The following DACH2 variants were observed in gnomAD, a reference collection of about 807,000 sequenced individuals.
The protein encoded by DACH2 is dachshund family transcription factor 2.
In DACH2, 17 loss-of-function variants were observed where a neutral mutation model predicts 35.8. That is an observed-to-expected ratio of 0.48 (90% CI 0.33 to 0.71). The LOEUF (loss-of-function observed/expected upper bound fraction) is 0.71, where lower values mean the gene tolerates loss of function less well. DACH2 is among the 30% of genes least tolerant of loss of function. The pLI, the probability that DACH2 is intolerant of heterozygous loss-of-function variation, is 0.02. For synonymous variants in DACH2, 195 were observed against 177.3 expected, an observed-to-expected ratio of 1.10 and a Z score of -0.79; for missense variants, 469 against 472.7, an observed-to-expected ratio of 0.99 and a Z score of 0.07.
At chrX:86,299,892 A>G (rs2034541278) in intron 1 of DACH2, among the ~76,000 whole-genome samples, 1 of 111,524 alleles carries the variant, frequency 9.0e-6, no homozygotes, top group African/African-American at 3.3e-5. Context: ...AGAGATTATC[A>G]TTGTATTTTT....
In DACH2 at chrX:86,310,254, C is replaced by T. The variant is rs191318787; in HGVS notation, c.489-66570C>T. Among the ~76,000 whole-genome samples, 4 of 111,932 alleles carry T rather than the reference C, an allele frequency of 3.6e-5. No homozygotes were observed. In the Admixed American group the frequency reaches 3.8e-4, roughly 11 times the overall value. ...TGGGTCATGCACAGCACCATTCCATCATCAAATGGAAGTTGTATATACATG... is the reference window on the plus strand; with the variant it reads ...TGGGTCATGCACAGCACCATTCCATTATCAAATGGAAGTTGTATATACATG... On this transcript the variant is annotated intron_variant, in intron 1 of 11. Coordinates refer to ENST00000373125, the MANE Select transcript of DACH2 (RefSeq NM_053281.3).
intron 1 of DACH2, among the ~76,000 whole-genome samples, chrX:86,246,587 G>A (rs904478577): frequency 8.9e-6 from 1 of 112,017 alleles, no homozygotes; most frequent in Admixed American, 9.5e-5. Context: ...AGTGAAAGGT[G>A]AAATAAGTTC....
At chrX:86,653,402 G>A (rs989229884) in intron 4 of DACH2, among the ~76,000 whole-genome samples, 2 of 111,335 alleles carry the variant, frequency 1.8e-5, no homozygotes, top group African/African-American at 6.5e-5. Context: ...TGGTGGAAGG[G>A]TGCGGGGGAG....
intron 1 of DACH2, among the ~76,000 whole-genome samples, chrX:86,228,432 T>C (rs2032874016): frequency 9.3e-6 from 1 of 107,156 alleles, no homozygotes; most frequent in South Asian, 4.0e-4. Flanking sequence ...TAATGACTTC[T>C]TTTCCTCTGG....
intron 2 of DACH2, among the ~76,000 whole-genome samples, chrX:86,427,665 A>C (rs1344083925): frequency 2.7e-5 from 3 of 111,694 alleles, no homozygotes; most frequent in South Asian, 7.3e-4. Flanking sequence ...AATTCTTTTA[A>C]CCAAAGTTTT....
chrX:86,337,032 G>T (rs189800344), intron 1 of DACH2, among the ~76,000 whole-genome samples: 2 of 109,454 alleles, frequency 1.8e-5, no homozygotes, highest in Non-Finnish European at 3.8e-5. Context: ...AGAGAAAAAA[G>T]AATGAAAAAG....
chrX:86,775,480 TCTAA>T (rs1687994865), intron 7 of DACH2, among the ~76,000 whole-genome samples: 1 of 111,601 alleles, frequency 9.0e-6, no homozygotes, highest in Admixed American at 9.5e-5. Context: ...CTTACGAGAA[TCTAA>T]CTAATGCCTG....
At chrX:86,681,217 A>G (rs1044002164) in intron 4 of DACH2, among the ~76,000 whole-genome samples, 1 of 111,734 alleles carries the variant, frequency 8.9e-6, no homozygotes, top group African/African-American at 3.3e-5. Flanking sequence ...AGACAATCTT[A>G]TTCCTAATGC....
chrX:86,278,764 A>G (rs1038648131), intron 1 of DACH2, among the ~76,000 whole-genome samples: 1 of 111,566 alleles, frequency 9.0e-6, no homozygotes, highest in Non-Finnish European at 1.9e-5. Context: ...TCCCACCCCC[A>G]TGGAGCCCAG....
intron 1 of DACH2, among the ~76,000 whole-genome samples, chrX:86,328,907 C>A (rs2035162496): frequency 8.9e-6 from 1 of 112,009 alleles, no homozygotes; most frequent in Non-Finnish European, 1.9e-5. Flanking sequence ...AACTGTAATT[C>A]TCTCTTATCT....
At chrX:86,625,803 C>T (rs148313473) in intron 3 of DACH2, among the ~76,000 whole-genome samples, 48 of 111,071 alleles carry the variant, frequency 4.3e-4, no homozygotes, top group African/African-American at 1.1e-3. Context: ...TTCACTATCA[C>T]GAGAACAGCA....
intron 2 of DACH2, among the ~76,000 whole-genome samples, chrX:86,384,906 G>T (rs886790394): frequency 1.8e-5 from 2 of 111,575 alleles, no homozygotes; most frequent in Non-Finnish European, 3.8e-5. Context: ...CAGCAGCCAC[G>T]CTTTACAATT....
At chrX:86,538,829 G>T (rs781156973) in intron 3 of DACH2, among the ~76,000 whole-genome samples, 3 of 111,572 alleles carry the variant, frequency 2.7e-5, no homozygotes, top group African/African-American at 9.8e-5. Context: ...TGCAGAGAGT[G>T]TCCCAATAAG....
chrX:86,397,051 C>T (rs953306420), intron 2 of DACH2, among the ~76,000 whole-genome samples: 1 of 110,157 alleles, frequency 9.1e-6, no homozygotes, highest in East Asian at 2.9e-4. Flanking sequence ...TTGTTTGTAT[C>T]CTCTTTTATT....
intron 2 of DACH2, among the ~76,000 whole-genome samples, chrX:86,454,187 T>G (rs1267743845): frequency 9.0e-6 from 1 of 111,458 alleles, no homozygotes; most frequent in Non-Finnish European, 1.9e-5. Context: ...GACCTGAACT[T>G]TCTCCCTGGC....
chrX:86,802,162 G>GT (rs1428321792), intron 7 of DACH2, among the ~76,000 whole-genome samples: 2 of 111,582 alleles, frequency 1.8e-5, no homozygotes, highest in Admixed American at 1.9e-4. Flanking sequence ...TAGCCCAGTG[G>GT]TTTTTTGAAT....
intron 2 of DACH2, among the ~76,000 whole-genome samples, chrX:86,385,800 G>A (rs1256158190): frequency 1.8e-5 from 2 of 111,741 alleles, no homozygotes; most frequent in African/African-American, 6.5e-5. Flanking sequence ...TACAATTAAT[G>A]TAGGGTAAAA....
chrX:86,613,155 T>C (rs1012013779), intron 3 of DACH2, among the ~76,000 whole-genome samples: 17 of 111,908 alleles, frequency 1.5e-4, no homozygotes, highest in Non-Finnish European at 3.0e-4. Context: ...ATAGATATTT[T>C]GTGCAACTCT....
intron 1 of DACH2, among the ~76,000 whole-genome samples, chrX:86,315,836 C>CAGAG (rs1335928510): frequency 0.029 from 2,218 of 77,801 alleles, 114 homozygotes; most frequent in African/African-American, 0.099. Context: ...CACACACACA[C>CAGAG]ACACAGAGAG....
Sources: allele counts gnomAD v4.1 joint callset (sites outside exome capture counted in the v4.1 genomes callset), GRCh38; gene constraint gnomAD v4.1.1; transcripts MANE v1.5; gene names NCBI Gene and HGNC (gene_info 2026-07-23, HGNC 2026-07-21).